RGS6: variants seen among roughly 807,000 people sequenced by gnomAD.
RGS6 encodes regulator of G protein signaling 6.
In RGS6, 30 loss-of-function variants were observed where a neutral mutation model predicts 78.5. The observed-to-expected ratio is 0.38, with a 90% CI of 0.29 to 0.52. The LOEUF (loss-of-function observed/expected upper bound fraction) is 0.52, where lower values mean the gene tolerates loss of function less well. Ranked by LOEUF, RGS6 falls within the 20% of genes least tolerant of loss-of-function variation. The pLI is 0.85. For missense variants in RGS6, 495 were observed against 609.7 expected, an observed-to-expected ratio of 0.81 and a Z score of 1.98; for synonymous variants, 206 against 206.0, an observed-to-expected ratio of 1.00 and a Z score of 0.00.
intron 1 of RGS6, among the ~76,000 whole-genome samples, chr14:71,958,999 TAA>T (rs2092999883): frequency 3.3e-5 from 5 of 152,212 alleles, no homozygotes; most frequent in Admixed American, 2.6e-4. Flanking sequence ...TATATCCCAG[TAA>T]AATACTGGGT....
chr14:72,095,990 C>T lies in RGS6; in HGVS notation c.84+131115C>T, dbSNP rs115193617. Among the ~76,000 whole-genome samples the T allele has an allele frequency of 4.7e-3, 709 of 152,186 alleles. 7 individuals carry two copies. The highest frequency in any genetic ancestry group is 0.017 in the African/African-American group (687 of 41,530). On this transcript the variant is annotated intron_variant, in intron 2 of 17. Transcript: ENST00000553525. Reference sequence around the variant, plus strand: ...GAACCTTAAAAATAATGAGGAGGGCCGGGTGCAGTGGCTCACGCCTGTAAT... The same window carrying T: ...GAACCTTAAAAATAATGAGGAGGGCTGGGTGCAGTGGCTCACGCCTGTAAT...
intron 2 of RGS6, among the ~76,000 whole-genome samples, chr14:71,972,158 C>CAAAATA (rs1167746488): frequency 1.3e-5 from 2 of 151,904 alleles, no homozygotes; most frequent in East Asian, 3.9e-4. Context: ...CTCCCCCAGC[C>CAAAATA]CAATTTTGGA....
At chr14:72,612,628 C>T in the RGS6 span, 1 of 518,742 alleles carries the variant, frequency 1.9e-6, no homozygotes, top group Non-Finnish European at 3.8e-6. Context: ...ATCAGGGTCT[C>T]AGTGGGGAGT....
chr14:72,284,637 A>G (rs2062178245), intron 2 of RGS6, among the ~76,000 whole-genome samples: 1 of 152,232 alleles, frequency 6.6e-6, no homozygotes, highest in Non-Finnish European at 1.5e-5. Context: ...AGGGCAGTGC[A>G]GAAGGAAAAT....
intron 1 of RGS6, among the ~76,000 whole-genome samples, chr14:71,949,020 T>C (rs1173353186): frequency 6.6e-6 from 1 of 152,224 alleles, no homozygotes; most frequent in East Asian, 1.9e-4. Flanking sequence ...CTATTTTTAT[T>C]ACTATATAGT....
chr14:72,323,886 TTTTTTTA>T (rs1329714707), intron 2 of RGS6, among the ~76,000 whole-genome samples: 31 of 150,500 alleles, frequency 2.1e-4, no homozygotes, highest in Non-Finnish European at 4.4e-4. Context: ...TCTCCATATC[TTTTTTTA>T]TTTTTAATTT....
At chr14:71,985,610 C>A (rs745650389) in intron 2 of RGS6, among the ~76,000 whole-genome samples, 1 of 152,126 alleles carries the variant, frequency 6.6e-6, no homozygotes, top group Non-Finnish European at 1.5e-5. Flanking sequence ...GACTGGGCTT[C>A]TCTGGGTTGT....
chr14:71,938,992 T>C (rs1021301646), intron 1 of RGS6, among the ~76,000 whole-genome samples: 3 of 152,194 alleles, frequency 2.0e-5, no homozygotes, highest in Admixed American at 2.0e-4. Flanking sequence ...TCAAGCACCA[T>C]TGGATCTGCT....
At chr14:72,325,823 G>C (rs1323286709) in intron 2 of RGS6, among the ~76,000 whole-genome samples, 3 of 152,032 alleles carry the variant, frequency 2.0e-5, no homozygotes, top group African/African-American at 7.2e-5. Flanking sequence ...TAAGACTACT[G>C]AGAGATGCTG....
intron 3 of RGS6, among the ~76,000 whole-genome samples, chr14:72,392,438 G>A (rs1231765634): frequency 6.6e-6 from 1 of 152,068 alleles, no homozygotes; most frequent in Non-Finnish European, 1.5e-5. Context: ...GCCTCTCTGG[G>A]TGCTATAGTT....
chr14:71,893,253 A>G, the RGS6 span, among the ~76,000 whole-genome samples: 2 of 152,196 alleles, frequency 1.3e-5, no homozygotes, highest in African/African-American at 4.8e-5. Flanking sequence ...TTGATCAAGA[A>G]TTTTGTCACT....
At chr14:72,461,353 T>C (rs1404358096) in intron 6 of RGS6, among the ~76,000 whole-genome samples, 1 of 152,228 alleles carries the variant, frequency 6.6e-6, no homozygotes, top group Non-Finnish European at 1.5e-5. Flanking sequence ...TGCTGCATAC[T>C]AAAGGGCATC....
intron 2 of RGS6, among the ~76,000 whole-genome samples, chr14:72,174,170 C>G (rs555502953): frequency 6.6e-6 from 1 of 152,206 alleles, no homozygotes; most frequent in Non-Finnish European, 1.5e-5. Flanking sequence ...GTGCAAGGCA[C>G]GATCTCAGCT....
At chr14:72,104,519 T>A (rs2095594141) in intron 2 of RGS6, among the ~76,000 whole-genome samples, 1 of 152,212 alleles carries the variant, frequency 6.6e-6, no homozygotes, top group Admixed American at 6.5e-5. Flanking sequence ...AACTTCAGAA[T>A]TTCAAAATAG....
intron 2 of RGS6, among the ~76,000 whole-genome samples, chr14:72,208,069 G>T (rs1300146599): frequency 6.6e-6 from 1 of 152,186 alleles, no homozygotes; most frequent in Admixed American, 6.5e-5. Flanking sequence ...CTCTGCTCTA[G>T]GGGTTGCTAA....
the RGS6 span, among the ~76,000 whole-genome samples, chr14:71,875,986 T>C: frequency 6.6e-6 from 1 of 152,226 alleles, no homozygotes; most frequent in Admixed American, 6.5e-5. Context: ...GAGTTCTAGT[T>C]TGATTGCACT....
the RGS6 span, chr14:72,629,794 C>T: frequency 1.5e-5 from 20 of 1,326,630 alleles, no homozygotes; most frequent in Non-Finnish European, 2.0e-5. Flanking sequence ...CACCCCTCAA[C>T]ACCACTCACT....
chr14:71,944,365 T>C (rs1360916990), intron 1 of RGS6, among the ~76,000 whole-genome samples: 3 of 152,204 alleles, frequency 2.0e-5, no homozygotes, highest in Non-Finnish European at 4.4e-5. Context: ...CTAAGTCAGA[T>C]AGTCATTGAG....
At chr14:72,260,835 T>C (rs1377384865) in intron 2 of RGS6, among the ~76,000 whole-genome samples, 1 of 152,184 alleles carries the variant, frequency 6.6e-6, no homozygotes, top group Non-Finnish European at 1.5e-5. Context: ...CCTGTGAAAG[T>C]GAGGCAAAGA....
Sources: gnomAD v4.1 joint callset for allele counts (sites outside exome capture counted in the v4.1 genomes callset) on GRCh38, gnomAD v4.1.1 for gene constraint, MANE v1.5 for transcripts, NCBI Gene and HGNC (gene_info 2026-07-23, HGNC 2026-07-21) for gene names.